COG5: variants seen among roughly 807,000 people sequenced by gnomAD.
COG5 encodes the protein component of oligomeric golgi complex 5.
COG5 carries 86 observed loss-of-function variants against 110.4 expected under a neutral mutation model. The observed-to-expected ratio is 0.78, with a 90% CI of 0.65 to 0.93. The LOEUF is 0.93. COG5 is among the 40% of genes least tolerant of loss of function. The probability of loss-of-function intolerance (pLI) is 0.00; values close to 1 mark genes in which losing one functional copy is unlikely to be tolerated. For synonymous variants in COG5, 360 were observed against 334.6 expected (o/e 1.08, Z -0.83); for missense variants, 1,077 against 987.0 (o/e 1.09, Z -1.22).
chr7:107,333,486 A>T (rs1167190695), intron 10 of COG5, among the ~76,000 whole-genome samples: 1 of 152,156 alleles, frequency 6.6e-6, no homozygotes, highest in Admixed American at 6.5e-5. Flanking sequence ...TTACATGTAC[A>T]CTGTTCAGAG....
intron 11 of COG5, among the ~76,000 whole-genome samples, chr7:107,312,474 C>A (rs1254851159): frequency 6.6e-6 from 1 of 152,102 alleles, no homozygotes; most frequent in South Asian, 2.1e-4. Context: ...CAGAAGAGGT[C>A]TTGCTCATGT....
intron 2 of COG5, among the ~76,000 whole-genome samples, chr7:107,555,493 C>T (rs1372624471): frequency 6.6e-6 from 1 of 152,162 alleles, no homozygotes; most frequent in African/African-American, 2.4e-5. Context: ...TCTTGGTCAC[C>T]TCGGTCTTTT....
chr7:107,535,631 T>C (rs1801532443), intron 5 of COG5, among the ~76,000 whole-genome samples: 2 of 152,184 alleles, frequency 1.3e-5, no homozygotes, highest in Non-Finnish European at 2.9e-5. Flanking sequence ...AATCCCTGAA[T>C]AGACCAATAA....
At chr7:107,383,858 C>CT (rs1441054833) in intron 7 of COG5, among the ~76,000 whole-genome samples, 1 of 152,174 alleles carries the variant, frequency 6.6e-6, no homozygotes, top group Non-Finnish European at 1.5e-5. Flanking sequence ...CTAGGGGACA[C>CT]TCCCTTCAGA....
intron 6 of COG5, among the ~76,000 whole-genome samples, chr7:107,507,431 C>G (rs916399757): frequency 6.8e-6 from 1 of 148,052 alleles, no homozygotes; most frequent in African/African-American, 2.5e-5. Flanking sequence ...GTAGCTGGGA[C>G]TACAGGCACC....
chr7:107,309,326 T>C (rs1255950204), intron 11 of COG5, among the ~76,000 whole-genome samples: 3 of 152,160 alleles, frequency 2.0e-5, no homozygotes, highest in Non-Finnish European at 4.4e-5. Flanking sequence ...AAGATTATTT[T>C]GATTTTTACA....
Position 107,358,557 on chromosome 7 carries a change from T to C in COG5, c.1026+3476A>G, listed in dbSNP as rs115630090. Among the ~76,000 whole-genome samples the C allele has an allele frequency of 2.8e-3, 419 of 152,316 alleles. 1 individual carries two copies. Among genetic ancestry groups the C allele is most frequent in the African/African-American group, 9.5e-3 (394 of 41,574 alleles). Reference sequence around the variant, plus strand: ...AGTAGCTATTGTCAGGAAATCCTGATTGCAAGGTTGGTATTTGGCTAGCAT... The same window carrying C: ...AGTAGCTATTGTCAGGAAATCCTGACTGCAAGGTTGGTATTTGGCTAGCAT... On this transcript the variant is annotated intron_variant, in intron 10 of 21. Transcript: ENST00000297135.
At chr7:107,543,202 C>A (rs1393894048) in intron 5 of COG5, among the ~76,000 whole-genome samples, 1 of 152,034 alleles carries the variant, frequency 6.6e-6, no homozygotes, top group Non-Finnish European at 1.5e-5. Flanking sequence ...TTAAAGAAAC[C>A]AGGTAAGACA....
chr7:107,375,632 G>A (rs1196342491), intron 7 of COG5, among the ~76,000 whole-genome samples: 1 of 151,804 alleles, frequency 6.6e-6, no homozygotes, highest in Non-Finnish European at 1.5e-5. Context: ...TACCCATTTG[G>A]ATATCTTCTT....
At chr7:107,337,439 A>G (rs1467271824) in intron 10 of COG5, among the ~76,000 whole-genome samples, 1 of 152,250 alleles carries the variant, frequency 6.6e-6, no homozygotes, top group African/African-American at 2.4e-5. Context: ...CATATACACA[A>G]TGGAATACTA....
chr7:107,433,458 T>C (rs987579205), intron 6 of COG5, among the ~76,000 whole-genome samples: 3 of 152,164 alleles, frequency 2.0e-5, no homozygotes, highest in East Asian at 1.9e-4. Context: ...ATAAAAATTG[T>C]CTGGTACTGG....
At chr7:107,527,683 A>G (rs1019752588) in intron 5 of COG5, among the ~76,000 whole-genome samples, 5 of 152,228 alleles carry the variant, frequency 3.3e-5, no homozygotes, top group African/African-American at 1.2e-4. Flanking sequence ...CGGAAGTACT[A>G]TATTTACATT....
At chr7:107,288,939 TATATATATATATATATATATATA>T in intron 12 of COG5, among the ~76,000 whole-genome samples, 1 of 117,632 alleles carries the variant, frequency 8.5e-6, no homozygotes, top group Non-Finnish European at 1.7e-5. Context: ...TATATATATA[TATATATATATATATATATATATA>T]TTTAAAAATT....
At chr7:107,233,408 G>A (rs1257816598) in intron 18 of COG5, among the ~76,000 whole-genome samples, 1 of 152,172 alleles carries the variant, frequency 6.6e-6, no homozygotes, top group Non-Finnish European at 1.5e-5. Flanking sequence ...GATTCCTAAG[G>A]GGGCTGGATG....
intron 10 of COG5, among the ~76,000 whole-genome samples, chr7:107,329,461 G>T (rs1562970893): frequency 6.6e-6 from 1 of 152,024 alleles, no homozygotes; most frequent in African/African-American, 2.4e-5. Flanking sequence ...TGTATATGCT[G>T]TGTATGTATG....
chr7:107,234,240 C>A (rs1214369159), intron 18 of COG5, among the ~76,000 whole-genome samples: 1 of 152,106 alleles, frequency 6.6e-6, no homozygotes, highest in Non-Finnish European at 1.5e-5. Context: ...TGTGTAAATG[C>A]TTCTTCTATG....
intron 10 of COG5, among the ~76,000 whole-genome samples, chr7:107,333,886 G>C (rs1810479218): frequency 6.6e-6 from 1 of 152,068 alleles, no homozygotes; most frequent in Non-Finnish European, 1.5e-5. Context: ...CTTACCTAGA[G>C]ATCACTGTCA....
chr7:107,426,595 C>T (rs549376109), intron 6 of COG5, among the ~76,000 whole-genome samples: 296 of 152,194 alleles, frequency 1.9e-3, no homozygotes, highest in African/African-American at 6.6e-3. Flanking sequence ...ATCCCTTTTT[C>T]AAAGACACTA....
intron 10 of COG5, among the ~76,000 whole-genome samples, chr7:107,329,596 G>A (rs1810071374): frequency 6.6e-6 from 1 of 152,086 alleles, no homozygotes; most frequent in Admixed American, 6.6e-5. Flanking sequence ...TCAAACGGTA[G>A]TCAGAAATGT....
Sources: gnomAD v4.1 joint callset for allele counts (sites outside exome capture counted in the v4.1 genomes callset) on GRCh38, gnomAD v4.1.1 for gene constraint, MANE v1.5 for transcripts, NCBI Gene and HGNC (gene_info 2026-07-23, HGNC 2026-07-21) for gene names.